HDAC7: variants seen among roughly 807,000 people sequenced by gnomAD.
HDAC7 encodes histone deacetylase 7.
A neutral mutation model predicts 115.5 loss-of-function variants in HDAC7; 26 were observed. The observed-to-expected ratio is 0.23, with a 90% CI of 0.16 to 0.31. The LOEUF is 0.31. Among genes scored for constraint, HDAC7 ranks in the 10% least tolerant of loss-of-function variants. HDAC7 has a pLI of 1.00. For missense variants in HDAC7, 1,068 were observed against 1,329.0 expected (o/e 0.80, Z 3.05); for synonymous variants, 564 against 550.9 (o/e 1.02, Z -0.33).
intron 23 of HDAC7, 21 bp downstream of exon 23, chr12:47,785,731 T>C: frequency 6.3e-7 from 1 of 1,596,652 alleles, no homozygotes; most frequent in South Asian, 1.1e-5. Context: ...GAAGCATGGA[T>C]GGGGGAGGGA....
chr12:47,797,572 TG>T lies in HDAC7; in HGVS notation c.462-74del. 1 of 1,162,400 alleles carries T rather than the reference TG, an allele frequency of 8.6e-7. No individual in the cohort carries two copies. Among genetic ancestry groups the T allele is most frequent in the Non-Finnish European group, 1.2e-6 (1 of 809,840 alleles). 72.0% of individuals were successfully genotyped at this position (1,162,400 alleles called of 1,614,324 possible). A position where few individuals can be genotyped will look rare whatever the true frequency, so the allele number is the denominator to read the frequency against. On this transcript the variant is annotated intron_variant, in intron 5 of 25. Transcript: ENST00000080059. The surrounding 1 kb of genome is among the most constrained non-coding windows in gnomAD (Gnocchi z 5.5). ...CGGGCACTGCCCTGAGCACGGGCCC[TG>T]GGACCTGAGGGGGAGGCTGCAGCGG... is the stretch of plus-strand genomic sequence containing the variant.
intron 16 of HDAC7, chr12:47,790,987 C>T (rs1333740933): frequency 1.8e-6 from 1 of 557,934 alleles, no homozygotes. Flanking sequence ...CCAGCCTTGG[C>T]CCTGCTCCTG....
At chr12:47,802,660 G>T (rs1404306415) in intron 1 of HDAC7, 4 of 615,448 alleles carry the variant, frequency 6.5e-6, no homozygotes, top group Non-Finnish European at 8.5e-6. Flanking sequence ...AGGCCAAGAG[G>T]TGAGGTGGGG....
rs1003362475 is a variant in HDAC7 at position 47,804,848 on chromosome 12, A to C, written c.20-2574T>G. Among the ~76,000 whole-genome samples the C allele has an allele frequency of 7.9e-5, 12 of 151,534 alleles. No homozygotes were observed. The South Asian group carries it at 2.3e-3, about 29-fold the overall frequency. ...AATTCTAAGCACCTGGAACAAACTG[A>C]CCTCCCTACTGCTCCTACCTTATTG... On this transcript the variant is annotated intron_variant, in intron 1 of 25. Coordinates refer to ENST00000080059, the MANE Select transcript of HDAC7 (RefSeq NM_015401.5).
In HDAC7 at chr12:47,784,122, T is replaced by C; in HGVS notation, c.2887A>G (p.Thr963Ala). The C allele has an allele frequency of 6.2e-7, 1 of 1,613,752 alleles. No homozygotes were observed. The highest frequency in any genetic ancestry group is 8.5e-7 in the Non-Finnish European group (1 of 1,179,920). ...GADKEEVEAVTALASLSVGIL... is the reference protein window; with the variant it reads ...GADKEEVEAVAALASLSVGIL... Reference sequence around the variant, plus strand: ...CCCACAGAGAGGGACGCCAGTGCGGTCACTGCCTCCACTTCTTCTTTGTCA... The same window carrying C: ...CCCACAGAGAGGGACGCCAGTGCGGCCACTGCCTCCACTTCTTCTTTGTCA... The change falls in exon 25 of 26, where the codon ACC becomes GCC. Residue 963 changes from threonine to alanine, a missense_variant. Around this residue, in one of 6 missense-constraint regions of HDAC7, gnomAD observed 98 missense variants for 123.9 expected, o/e 0.79. Coordinates refer to ENST00000080059, the MANE Select transcript of HDAC7 (RefSeq NM_015401.5).
intron 1 of HDAC7, among the ~76,000 whole-genome samples, chr12:47,811,077 C>G (rs760093860): frequency 1.3e-5 from 2 of 152,120 alleles, no homozygotes; most frequent in African/African-American, 2.4e-5. Flanking sequence ...TGAGGCATCT[C>G]GGATGTGAAT....
In HDAC7 at chr12:47,788,052, A is replaced by G. The variant is rs778295670; in HGVS notation, c.2348T>C (p.Val783Ala). ...GCCCTGACATGCGGTTACCTCATCCACAGCCCCACTCCCCGGGAAGAAGTT... is the reference window on the plus strand; with the variant it reads ...GCCCTGACATGCGGTTACCTCATCCGCAGCCCCACTCCCCGGGAAGAAGTT... ...DGNFFPGSGA[V>A]DEVGAGSGEG... The change falls in exon 20 of 26, where the codon GTG becomes GCG. Residue 783 changes from valine (V) to alanine (A), a missense_variant. Around this residue, in one of 6 missense-constraint regions of HDAC7, gnomAD observed 182 missense variants for 301.1 expected, o/e 0.60. Coordinates refer to ENST00000080059, the MANE Select transcript of HDAC7 (RefSeq NM_015401.5). The G allele has an allele frequency of 6.2e-7, 1 of 1,611,170 alleles. No individual in the cohort carries two copies. The highest frequency in any genetic ancestry group is 1.1e-5 in the South Asian group (1 of 90,640).
Position 47,797,533 on chromosome 12 carries a change from G to T in HDAC7, c.462-34C>A. The T allele has an allele frequency of 6.6e-7, 1 of 1,514,836 alleles. No homozygotes were observed. Among genetic ancestry groups the T allele is most frequent in the Non-Finnish European group, 9.1e-7 (1 of 1,101,596 alleles). 93.8% of individuals were successfully genotyped at this position (1,514,836 alleles called of 1,614,324 possible). On this transcript the variant is annotated intron_variant, in intron 5 of 25. Transcript: ENST00000080059. This position sits in a 1 kb window ranked among gnomAD's most constrained non-coding sequence, Gnocchi z 5.5. ...CGAGTGCCAAGGCTGCTTCAGAGGTGTGGGGACACTGCACGGGCACTGCCC... is the reference window on the plus strand; with the variant it reads ...CGAGTGCCAAGGCTGCTTCAGAGGTTTGGGGACACTGCACGGGCACTGCCC...
chr12:47,802,048 G>A (rs958486456), intron 2 of HDAC7, among the ~76,000 whole-genome samples, 176 bp downstream of exon 2: 3 of 152,182 alleles, frequency 2.0e-5, no homozygotes, highest in African/African-American at 7.2e-5. Context: ...CCAGCATCCA[G>A]AGCTGCCTCT....
At chr12:47,811,815 C>A (rs543473898) in intron 1 of HDAC7, among the ~76,000 whole-genome samples, 4 of 152,216 alleles carry the variant, frequency 2.6e-5, no homozygotes, top group African/African-American at 7.2e-5. Context: ...TACAACCTAG[C>A]GTCCTCTGCC....
rs113143362 is a variant in HDAC7 at position 47,793,238 on chromosome 12, G to T, written c.1678+131C>A. 3.1e-6 allele frequency: 2 copies of T among 646,144 alleles called. No homozygotes were observed. The allele number at this position is 646,144 out of a possible 1,614,324, so 40.0% of individuals were successfully genotyped here. On this transcript the variant is annotated intron_variant, in intron 13 of 25. Transcript: ENST00000080059. The surrounding 1 kb of genome is among the most constrained non-coding windows in gnomAD (Gnocchi z 4.5). ...AACCAGCTGTTCCATGTGCTCCATG[G>T]GTACTACGTGGGCCTAACAAGGCTA...
intron 24 of HDAC7, chr12:47,784,599 G>A: frequency 1.1e-6 from 1 of 930,184 alleles, no homozygotes; most frequent in South Asian, 1.7e-5. Context: ...CCAAGCTCGG[G>A]CCTCCCACTT....
Position 47,795,007 on chromosome 12 carries a change from C to T in HDAC7, c.1285-74G>A. 1 of 1,466,338 alleles carries T rather than the reference C, an allele frequency of 6.8e-7. No homozygotes were observed. Among genetic ancestry groups the T allele is most frequent in the Non-Finnish European group, 9.3e-7 (1 of 1,076,122 alleles). 90.8% of individuals were successfully genotyped at this position (1,466,338 alleles called of 1,614,324 possible). ...TGGGGTGGGAGGTGGTGGGCTGGGC[C>T]AGGCAGCCAGTCATCTTGCTAGGAC... On this transcript the variant is annotated intron_variant, in intron 11 of 25. Transcript: ENST00000080059. This position sits in a 1 kb window ranked among gnomAD's most constrained non-coding sequence, Gnocchi z 4.3.
intron 1 of HDAC7, among the ~76,000 whole-genome samples, chr12:47,807,245 C>T: frequency 6.6e-6 from 1 of 152,110 alleles, no homozygotes; most frequent in Admixed American, 6.6e-5. Flanking sequence ...CAGCCCCCTG[C>T]CCTATCTCTT....
intron 21 of HDAC7, among the ~76,000 whole-genome samples, 174 bp from the exon 22 acceptor site, chr12:47,786,877 C>G (rs1943197935): frequency 6.6e-6 from 1 of 152,196 alleles, no homozygotes; most frequent in South Asian, 2.1e-4. Context: ...ATGTCCCTGG[C>G]ACACACAGCC....
chr12:47,791,820 C>CCCCAA, intron 14 of HDAC7, 51 bp downstream of exon 14: 2 of 1,581,738 alleles, frequency 1.3e-6, no homozygotes, highest in Non-Finnish European at 1.7e-6. Flanking sequence ...CCCTCCCCTC[C>CCCCAA]CATGACTCCT....
intron 25 of HDAC7, 84 bp from the exon 26 acceptor site, chr12:47,783,970 G>A: frequency 1.2e-6 from 2 of 1,605,250 alleles, no homozygotes; most frequent in Non-Finnish European, 1.7e-6. Context: ...ACCCTGGTCA[G>A]GAAGCCTGGG....
At chr12:47,819,731 G>A in intron 1 of HDAC7, 36 bp downstream of exon 1, 1 of 722,696 alleles carries the variant, frequency 1.4e-6, no homozygotes, top group Non-Finnish European at 1.7e-6. Context: ...GGTGCCGCGC[G>A]CAGGGCGGGG....
At chr12:47,808,054 A>G (rs983622528) in intron 1 of HDAC7, among the ~76,000 whole-genome samples, 27 of 152,244 alleles carry the variant, frequency 1.8e-4, no homozygotes, top group Non-Finnish European at 7.3e-5. Flanking sequence ...ACCCAGACGA[A>G]GGCCTCCATC....
Sources: gnomAD v4.1 joint callset for allele counts (sites outside exome capture counted in the v4.1 genomes callset) on GRCh38, gnomAD v4.1.1 for gene constraint, gnomAD v4.1.1 regional missense constraint, Gnocchi (gnomAD v3.1) non-coding constraint, MANE v1.5 for transcripts, NCBI Gene and HGNC (gene_info 2026-07-23, HGNC 2026-07-21) for gene names.